CPA6: variants seen among roughly 807,000 people sequenced by gnomAD.
The protein encoded by CPA6 is carboxypeptidase B.
A neutral mutation model predicts 63.3 loss-of-function variants in CPA6; 58 were observed. That is an observed-to-expected ratio of 0.92 (90% CI 0.74 to 1.14). The LOEUF (loss-of-function observed/expected upper bound fraction) is 1.14. Among genes scored for constraint, CPA6 ranks in the 50% most tolerant of loss-of-function variants. The pLI is 0.00. For synonymous variants in CPA6, 185 were observed against 179.0 expected (o/e 1.03, Z -0.27); for missense variants, 565 against 526.6 (o/e 1.07, Z -0.71).
chr8:67,460,199 G>A (rs975799304), intron 8 of CPA6, among the ~76,000 whole-genome samples: 35 of 152,144 alleles, frequency 2.3e-4, no homozygotes, highest in Non-Finnish European at 8.8e-5. Context: ...AGTATTATTC[G>A]TACTGGCCCA....
chr8:67,433,559 A>T (rs1305596289), intron 9 of CPA6, among the ~76,000 whole-genome samples: 1 of 152,258 alleles, frequency 6.6e-6, no homozygotes, highest in Admixed American at 6.5e-5. Context: ...CCTGCTTTTA[A>T]TTAATGAGAA....
intron 1 of CPA6, among the ~76,000 whole-genome samples, chr8:67,631,842 GC>G (rs1815340291): frequency 6.6e-6 from 1 of 151,756 alleles, no homozygotes; most frequent in Non-Finnish European, 1.5e-5. Flanking sequence ...CTCCAGACGT[GC>G]CACCTTAAGA....
intron 1 of CPA6, among the ~76,000 whole-genome samples, chr8:67,642,317 CA>C (rs34398433): frequency 0.13 from 17,189 of 135,614 alleles, 1,082 homozygotes; most frequent in African/African-American, 0.2. Context: ...GACTCCATCT[CA>C]AAAAAAAAAA....
At chr8:67,523,643 C>T (rs1056746320) in intron 2 of CPA6, among the ~76,000 whole-genome samples, 5 of 152,120 alleles carry the variant, frequency 3.3e-5, no homozygotes, top group African/African-American at 7.2e-5. Context: ...GTCATAATTC[C>T]GCTGAGCACC....
chr8:67,519,612 C>T (rs1439647623), intron 2 of CPA6, among the ~76,000 whole-genome samples: 1 of 152,232 alleles, frequency 6.6e-6, no homozygotes, highest in East Asian at 1.9e-4. Flanking sequence ...TTCTTTCATG[C>T]AGCTGACTCC....
At chr8:67,452,315 C>T (rs1810574391) in intron 8 of CPA6, 1 of 152,242 alleles carries the variant, frequency 6.6e-6, no homozygotes, top group African/African-American at 2.4e-5. Context: ...AGGACTTGAC[C>T]TCCTAGTTGA....
intron 8 of CPA6, among the ~76,000 whole-genome samples, chr8:67,446,329 T>C (rs2128954900): frequency 6.6e-6 from 1 of 152,268 alleles, no homozygotes. Context: ...TCTTTTTCTT[T>C]TTTTTAAATA....
At chr8:67,653,939 T>A (rs1480327887) in intron 1 of CPA6, among the ~76,000 whole-genome samples, 2 of 151,128 alleles carry the variant, frequency 1.3e-5, no homozygotes, top group Admixed American at 1.3e-4. Flanking sequence ...TTATTGAGAG[T>A]TTTTAGCATG....
intron 2 of CPA6, among the ~76,000 whole-genome samples, chr8:67,600,363 G>C (rs1814462934): frequency 1.7e-5 from 2 of 117,694 alleles, no homozygotes; most frequent in African/African-American, 6.4e-5. Flanking sequence ...CTGGGGGTGG[G>C]TTGGGGTGGG....
chr8:67,517,934 G>T lies in CPA6; in HGVS notation c.306C>A (p.Asn102Lys), dbSNP rs1812179113. ...RALLAFLQEANIQYKVLIEDL... is the reference protein window; with the variant it reads ...RALLAFLQEAKIQYKVLIEDL... ...AAAGGAATGCTTACTTGTACTGGAT[G>T]TTGGCTTCCTGTAAGAAGGCTAACA... The change falls in exon 3 of 11, where the codon AAC becomes AAA. Residue 102 changes from asparagine (N) to lysine (K), a missense_variant. Coordinates refer to ENST00000297770, the MANE Select transcript of CPA6 (RefSeq NM_020361.5). 1 of 1,610,610 alleles carries T rather than the reference G, an allele frequency of 6.2e-7. No individual in the cohort carries two copies. Among genetic ancestry groups the T allele is most frequent in the Non-Finnish European group, 8.5e-7 (1 of 1,178,898 alleles).
intron 6 of CPA6, among the ~76,000 whole-genome samples, chr8:67,501,885 G>A (rs2128963881): frequency 6.6e-6 from 1 of 152,102 alleles, no homozygotes; most frequent in African/African-American, 2.4e-5. Context: ...TCCTTTTTGG[G>A]GAATTTAAAA....
chr8:67,616,799 A>T (rs1211866914), intron 2 of CPA6, among the ~76,000 whole-genome samples: 1 of 152,140 alleles, frequency 6.6e-6, no homozygotes, highest in Non-Finnish European at 1.5e-5. Context: ...ACTCCCAAGT[A>T]AATAAGCCTA....
chr8:67,701,050 CT>C (rs1267154525), intron 1 of CPA6, among the ~76,000 whole-genome samples: 5 of 152,110 alleles, frequency 3.3e-5, no homozygotes, highest in Non-Finnish European at 7.4e-5. Flanking sequence ...CGTTTCCTCA[CT>C]TAGGGGCAAA....
intron 2 of CPA6, among the ~76,000 whole-genome samples, chr8:67,587,805 G>A (rs987445821): frequency 3.0e-4 from 45 of 152,158 alleles, no homozygotes; most frequent in African/African-American, 1.1e-3. Flanking sequence ...GTGAATTCGA[G>A]GATGGTTTGT....
intron 1 of CPA6, among the ~76,000 whole-genome samples, chr8:67,633,268 T>G (rs1012896510): frequency 6.6e-6 from 1 of 152,342 alleles, no homozygotes; most frequent in East Asian, 1.9e-4. Flanking sequence ...CATTTTTAAC[T>G]GGAAATTTCA....
At chr8:67,593,940 T>G (rs1170066339) in intron 2 of CPA6, among the ~76,000 whole-genome samples, 1 of 148,686 alleles carries the variant, frequency 6.7e-6, no homozygotes, top group African/African-American at 2.5e-5. Flanking sequence ...TGCTAGCTGG[T>G]TATTTTGCTC....
intron 3 of CPA6, among the ~76,000 whole-genome samples, chr8:67,515,325 C>T (rs1483779746): frequency 6.6e-6 from 1 of 152,198 alleles, no homozygotes. Context: ...CTTCTCGCCT[C>T]CACCTGCTTT....
chr8:67,635,373 G>A lies in CPA6; in HGVS notation c.117-11122C>T, dbSNP rs140828188. On this transcript the variant is annotated intron_variant, in intron 1 of 10. Transcript: ENST00000297770. ...TCAGTGCCTTAATTTGGGATTTACT[G>A]TTTTCTCTCTGCTCAGGCAGCTCTT... is the stretch of plus-strand genomic sequence containing the variant. 1.3e-4 allele frequency among the ~76,000 whole-genome samples: 19 copies of A among 151,784 alleles called. 3 individuals carry two copies. The highest frequency in any genetic ancestry group is 4.1e-4 in the African/African-American group (17 of 41,070).
chr8:67,622,423 T>A (rs1339321664), intron 2 of CPA6, among the ~76,000 whole-genome samples: 1 of 151,806 alleles, frequency 6.6e-6, no homozygotes, highest in Non-Finnish European at 1.5e-5. Flanking sequence ...GAAAAGGAGG[T>A]TTAGGAAATG....
Sources: allele counts gnomAD v4.1 joint callset (sites outside exome capture counted in the v4.1 genomes callset), GRCh38; gene constraint gnomAD v4.1.1; transcripts MANE v1.5; gene names NCBI Gene and HGNC (gene_info 2026-07-23, HGNC 2026-07-21).